The following TFB1M variants were observed in gnomAD, a reference collection of about 807,000 sequenced individuals.
TFB1M encodes transcription factor B1, mitochondrial.
A neutral mutation model predicts 31.1 loss-of-function variants in TFB1M; 27 were observed. The observed-to-expected ratio is 0.87, with a 90% CI of 0.64 to 1.20. The LOEUF is 1.20. Among genes scored for constraint, TFB1M ranks in the 50% most tolerant of loss-of-function variants. The pLI, the probability that TFB1M is intolerant of heterozygous loss-of-function variation, is 0.00. For synonymous variants in TFB1M, 166 were observed against 151.8 expected (o/e 1.09, Z -0.69); for missense variants, 394 against 418.7 (o/e 0.94, Z 0.51).
chr6:155,256,827 C>A lies in TFB1M; in HGVS notation c.*1009G>T, dbSNP rs747210993. 2 of 1,614,212 alleles carry A rather than the reference C, an allele frequency of 1.2e-6. No homozygotes were observed. Among genetic ancestry groups the A allele is most frequent in the South Asian group, 2.2e-5 (2 of 91,082 alleles). ...GGATTTCCGAGGACCCAGACGTTCA[C>A]CCCGAGGCTGAGCAGCAGCCTGGCC... On this transcript the variant is annotated 3_prime_UTR_variant, in exon 7 of 7. Transcript: ENST00000367166.
At chr6:155,314,232 C>T in intron 1 of TFB1M, 64 bp downstream of exon 1, 3 of 1,591,528 alleles carry the variant, frequency 1.9e-6, no homozygotes, top group Admixed American at 1.7e-5. Context: ...ACGTGCAAGA[C>T]CCCCCGGCCC....
intron 5 of TFB1M, 31 bp downstream of exon 5, chr6:155,285,127 G>A (rs764907283): frequency 6.2e-6 from 10 of 1,612,464 alleles, no homozygotes; most frequent in Middle Eastern, 1.6e-4. Context: ...TCCTAATTCC[G>A]ATATACTACA....
the TFB1M span, among the ~76,000 whole-genome samples, chr6:155,233,275 A>G: frequency 1.3e-5 from 2 of 152,358 alleles, no homozygotes; most frequent in African/African-American, 2.4e-5. Flanking sequence ...AAAAGAGAAT[A>G]TCAAAGTTGT....
intron 5 of TFB1M, among the ~76,000 whole-genome samples, chr6:155,280,185 G>A (rs553365742): frequency 6.6e-6 from 1 of 151,828 alleles, no homozygotes; most frequent in East Asian, 1.9e-4. Context: ...AGGTGGCCAT[G>A]TAAGTAATCT....
chr6:155,312,931 A>G (rs1031724197), intron 1 of TFB1M, among the ~76,000 whole-genome samples: 1 of 152,148 alleles, frequency 6.6e-6, no homozygotes, highest in Non-Finnish European at 1.5e-5. Flanking sequence ...CTTTTAAAGT[A>G]GTAGGCCCTT....
intron 4 of TFB1M, 55 bp from the exon 5 acceptor site, chr6:155,285,332 GAA>G: frequency 6.2e-6 from 10 of 1,604,932 alleles, no homozygotes; most frequent in African/African-American, 1.3e-5. Context: ...CTGATTAGAT[GAA>G]AAAGAGTCAA....
chr6:155,281,088 A>G (rs1005221081), intron 5 of TFB1M, among the ~76,000 whole-genome samples: 2 of 152,166 alleles, frequency 1.3e-5, no homozygotes, highest in Non-Finnish European at 2.9e-5. Context: ...TTTTTATATC[A>G]GAATACTACA....
Position 155,257,156 on chromosome 6 carries a change from T to TTTTAC in TFB1M, c.*675_*679dup. 2 of 1,591,290 alleles carry TTTTAC rather than the reference T, an allele frequency of 1.3e-6. No homozygotes were observed. The highest frequency in any genetic ancestry group is 8.6e-7 in the Non-Finnish European group (1 of 1,164,506). ...ATCCAGATATGGGTTAAATTCCTCA[T>TTTTAC]TTTACTTTTAAACTGGTGGTAAAGT... On this transcript the variant is annotated 3_prime_UTR_variant, in exon 7 of 7. Transcript: ENST00000367166.
chr6:155,306,679 A>T (rs890894869), intron 2 of TFB1M, among the ~76,000 whole-genome samples: 3 of 152,238 alleles, frequency 2.0e-5, no homozygotes, highest in Non-Finnish European at 2.9e-5. Flanking sequence ...AATAAAAAAT[A>T]ATCTACAGTG....
At chr6:155,293,031 A>C (rs1207518574) in intron 4 of TFB1M, among the ~76,000 whole-genome samples, 1 of 151,972 alleles carries the variant, frequency 6.6e-6, no homozygotes, top group African/African-American at 2.4e-5. Context: ...AAGGTAACAT[A>C]GGGAGCTATG....
At chr6:155,312,098 TGA>T (rs1177032590) in intron 1 of TFB1M, among the ~76,000 whole-genome samples, 5 of 152,212 alleles carry the variant, frequency 3.3e-5, no homozygotes, top group Admixed American at 3.3e-4. Flanking sequence ...TTAGTGATTC[TGA>T]GATATGGAAA....
At chr6:155,301,584 G>C (rs375960232) in intron 2 of TFB1M, among the ~76,000 whole-genome samples, 1 of 152,206 alleles carries the variant, frequency 6.6e-6, no homozygotes, top group African/African-American at 2.4e-5. Context: ...ACAAATGCAG[G>C]CACCAGATTA....
In TFB1M at chr6:155,314,373, C is replaced by G; in HGVS notation, c.56G>C (p.Arg19Pro). Residue 19 changes from arginine (R) to proline (P), a missense_variant, in exon 1 of 7, where the codon CGA becomes CCA. Physicochemically the swap from Arg to Pro is moderately radical, Grantham distance 103. Coordinates refer to ENST00000367166, the MANE Select transcript of TFB1M (RefSeq NM_016020.4). ...CAGTCTTAACAACTTAATGATTTCT[C>G]GAATCGTGGGCAACGGAGGGAGACG... ...TCRLPPLPTI[R>P]EIIKLLRLQA... 1 of 1,614,246 alleles carries G rather than the reference C, an allele frequency of 6.2e-7. No homozygotes were observed. The highest frequency in any genetic ancestry group is 8.5e-7 in the Non-Finnish European group (1 of 1,180,046).
At chr6:155,264,766 A>C (rs1665983501) in intron 5 of TFB1M, among the ~76,000 whole-genome samples, 1 of 152,202 alleles carries the variant, frequency 6.6e-6, no homozygotes, top group African/African-American at 2.4e-5. Flanking sequence ...CACAAGAGAA[A>C]TAAGACTAAG....
chr6:155,255,685 A>T (rs1196402610), downstream of TFB1M: 1 of 152,184 alleles, frequency 6.6e-6, no homozygotes, highest in East Asian at 1.9e-4. Flanking sequence ...CAGCAGAGAC[A>T]GTTCTCATAT....
At chr6:155,310,056 A>C (rs972549276) in intron 2 of TFB1M, among the ~76,000 whole-genome samples, 1 of 152,222 alleles carries the variant, frequency 6.6e-6, no homozygotes, top group Non-Finnish European at 1.5e-5. Context: ...AAAATCAGAT[A>C]CATGCACACA....
chr6:155,314,068 G>A (rs1366984494), intron 1 of TFB1M: 6 of 1,414,160 alleles, frequency 4.2e-6, no homozygotes, highest in African/African-American at 1.4e-5. Flanking sequence ...GCAGCCTGCC[G>A]GCAGGCTACA....
chr6:155,312,629 T>C (rs1426553738), intron 1 of TFB1M, among the ~76,000 whole-genome samples: 2 of 152,298 alleles, frequency 1.3e-5, no homozygotes, highest in Admixed American at 6.5e-5. Context: ...ATCAAATCAA[T>C]GAGCTTGGAT....
intron 5 of TFB1M, among the ~76,000 whole-genome samples, chr6:155,269,324 C>CCTT (rs1784816594): frequency 7.9e-6 from 1 of 127,270 alleles, no homozygotes; most frequent in African/African-American, 3.0e-5. Flanking sequence ...CTTTTCTTTT[C>CCTT]TTTTTTTTTT....
Sources: allele counts gnomAD v4.1 joint callset (sites outside exome capture counted in the v4.1 genomes callset), GRCh38; gene constraint gnomAD v4.1.1; transcripts MANE v1.5; gene names NCBI Gene and HGNC (gene_info 2026-07-23, HGNC 2026-07-21).